Variants in ZNF723 observed in about 807,000 individuals in gnomAD.
ZNF723 encodes zinc finger protein 723.
A neutral mutation model predicts 9.4 loss-of-function variants in ZNF723; 5 were observed. The observed-to-expected ratio is 0.53, with a 90% confidence interval of 0.28 to 1.12. The LOEUF (loss-of-function observed/expected upper bound fraction) is 1.12. Ranked by LOEUF, ZNF723 falls within the 50% of genes most tolerant of loss-of-function variation. ZNF723 has a pLI of 0.10. For missense variants in ZNF723, 450 were observed against 501.5 expected, an observed-to-expected ratio of 0.90 and a Z score of 0.98; for synonymous variants, 158 against 168.8, an observed-to-expected ratio of 0.94 and a Z score of 0.49.
the ZNF723 span, among the ~76,000 whole-genome samples, chr19:22,816,168 G>T: frequency 6.6e-6 from 1 of 152,160 alleles, no homozygotes; most frequent in Non-Finnish European, 1.5e-5. Flanking sequence ...GCCCTTTGGT[G>T]GTACAGAGGG....
chr19:22,850,281 A>C (rs1376983318), intron 3 of ZNF723, among the ~76,000 whole-genome samples: 3 of 151,942 alleles, frequency 2.0e-5, no homozygotes, highest in Non-Finnish European at 4.4e-5. Flanking sequence ...CTCTTGGCTC[A>C]CTGTAACCTC....
At chr19:22,856,216 C>T (rs1021567856) in intron 3 of ZNF723, among the ~76,000 whole-genome samples, 7 of 152,192 alleles carry the variant, frequency 4.6e-5, no homozygotes, top group Non-Finnish European at 1.0e-4. Context: ...ACCTCGGCCT[C>T]CCGAAGTGCT....
upstream of ZNF723, among the ~76,000 whole-genome samples, chr19:22,828,686 A>T (rs1452093352): frequency 4.6e-5 from 7 of 152,056 alleles, no homozygotes; most frequent in Non-Finnish European, 8.8e-5. Flanking sequence ...ATTGGAGGCC[A>T]TCGTTCTAAA....
Position 22,848,592 on chromosome 19 carries a change from TCCTGAGCAGA to T in ZNF723, c.130+210_130+219del, listed in dbSNP as rs563071276. On this transcript the variant is annotated intron_variant, in intron 2 of 3. Coordinates refer to ENST00000600766, the MANE Select transcript of ZNF723 (RefSeq NM_001349726.2). ...TCACCTTGATCTGAACTTTCCACAT[TCCTGAGCAGA>T]CCTGTAGTTTTTACTCACCATTAGC... Among the ~76,000 whole-genome samples, 10 of 152,256 alleles carry T rather than the reference TCCTGAGCAGA, an allele frequency of 6.6e-5. No individual in the cohort carries two copies. In the South Asian group the frequency reaches 2.1e-3, roughly 32 times the overall value.
chr19:22,834,509 A>G (rs985129118), intron 1 of ZNF723, among the ~76,000 whole-genome samples: 1 of 150,326 alleles, frequency 6.7e-6, no homozygotes, highest in Non-Finnish European at 1.5e-5. Context: ...GGATTTTAGT[A>G]CTCTCTGTGA....
At chr19:22,816,167 T>C in the ZNF723 span, among the ~76,000 whole-genome samples, 1 of 152,152 alleles carries the variant, frequency 6.6e-6, no homozygotes, top group South Asian at 2.1e-4. Context: ...AGCCCTTTGG[T>C]GGTACAGAGG....
chr19:22,858,304 T>G lies in ZNF723; in HGVS notation c.1413T>G (p.His471Gln). The change falls in exon 4 of 4, where the codon CAT becomes CAG. Residue 471 changes from histidine to glutamine, a missense_variant. His to Gln is a conservative substitution (Grantham distance 24). Coordinates refer to ENST00000600766, the MANE Select transcript of ZNF723 (RefSeq NM_001349726.2). ...ACCAATATTCAACCCTTAATAAACA[T>G]AAGATAATTCATGCTAGAGAGAAGC... ...AFNQYSTLNK[H>Q]KIIHAREKPY... 5.0e-6 allele frequency: 6 copies of G among 1,195,932 alleles called. No homozygotes were observed. The highest frequency in any genetic ancestry group is 7.4e-6 in the Non-Finnish European group (6 of 806,512). 74.1% of individuals were successfully genotyped at this position (1,195,932 alleles called of 1,614,324 possible).
the ZNF723 span, among the ~76,000 whole-genome samples, chr19:22,815,889 C>T: frequency 6.6e-6 from 1 of 152,198 alleles, no homozygotes. Flanking sequence ...CACCCTGACA[C>T]AAGGACAGAG....
At chr19:22,825,619 T>C in the ZNF723 span, among the ~76,000 whole-genome samples, 1 of 152,210 alleles carries the variant, frequency 6.6e-6, no homozygotes, top group Non-Finnish European at 1.5e-5. Flanking sequence ...GCCTGGTTCC[T>C]ACACACTGGG....
intron 1 of ZNF723, among the ~76,000 whole-genome samples, chr19:22,838,390 A>G (rs945688137): frequency 3.3e-5 from 5 of 152,064 alleles, no homozygotes; most frequent in African/African-American, 9.6e-5. Context: ...CGTCTCTACT[A>G]AAAACACAAA....
chr19:22,832,302 C>G lies in ZNF723; in HGVS notation c.-78C>G. The G allele has an allele frequency of 7.7e-7, 1 of 1,295,054 alleles. No individual in the cohort carries two copies. 80.2% of individuals were successfully genotyped at this position (1,295,054 alleles called of 1,614,324 possible). ...GGATTTGGCGCGGCCTTTTGAGTTCCTGGTCTCTGTGGCCTCCTGACCTAC... is the reference window on the plus strand; with the variant it reads ...GGATTTGGCGCGGCCTTTTGAGTTCGTGGTCTCTGTGGCCTCCTGACCTAC... On this transcript the variant is annotated 5_prime_UTR_variant, in exon 1 of 4. Coordinates refer to ENST00000600766, the MANE Select transcript of ZNF723 (RefSeq NM_001349726.2).
intron 3 of ZNF723, among the ~76,000 whole-genome samples, chr19:22,850,860 A>G (rs1449280419): frequency 1.3e-5 from 2 of 152,086 alleles, no homozygotes; most frequent in African/African-American, 4.8e-5. Flanking sequence ...TACAAATGCA[A>G]CGCAGTCATC....
At chr19:22,822,857 A>G in the ZNF723 span, among the ~76,000 whole-genome samples, 6 of 152,156 alleles carry the variant, frequency 3.9e-5, no homozygotes, top group African/African-American at 7.2e-5. Context: ...GTGAGACTCC[A>G]TCTCAAAAAA....
the ZNF723 span, among the ~76,000 whole-genome samples, chr19:22,819,488 G>A: frequency 3.3e-5 from 5 of 152,130 alleles, no homozygotes; most frequent in Non-Finnish European, 7.4e-5. Flanking sequence ...TATGACTATA[G>A]TTTTCTTCCT....
chr19:22,827,224 CAG>C, the ZNF723 span, among the ~76,000 whole-genome samples: 2 of 151,604 alleles, frequency 1.3e-5, no homozygotes, highest in South Asian at 2.1e-4. Context: ...ACTGGATAAA[CAG>C]AGAACTACTT....
chr19:22,837,792 A>G (rs74601285), intron 1 of ZNF723, among the ~76,000 whole-genome samples: 2,068 of 152,222 alleles, frequency 0.014, 46 homozygotes, highest in African/African-American at 0.047. Flanking sequence ...AAATTTAACC[A>G]TGGCATTTTT....
chr19:22,830,014 A>C (rs1967077849), upstream of ZNF723, among the ~76,000 whole-genome samples: 1 of 151,450 alleles, frequency 6.6e-6, no homozygotes, highest in Non-Finnish European at 1.5e-5. Context: ...TGCTCAGTTT[A>C]AGCCTGTTAA....
chr19:22,816,685 A>C, the ZNF723 span, among the ~76,000 whole-genome samples: 1 of 150,538 alleles, frequency 6.6e-6, no homozygotes, highest in Non-Finnish European at 1.5e-5. Context: ...GCATTTAGTC[A>C]ATGCGAATCT....
intron 3 of ZNF723, among the ~76,000 whole-genome samples, chr19:22,855,246 T>C (rs1967460234): frequency 6.8e-6 from 1 of 147,146 alleles, no homozygotes; most frequent in African/African-American, 2.6e-5. Context: ...TTTTTTTTTT[T>C]GAGATGGAGT....
Sources: gnomAD v4.1 joint callset for allele counts (sites outside exome capture counted in the v4.1 genomes callset) on GRCh38, gnomAD v4.1.1 for gene constraint, MANE v1.5 for transcripts, NCBI Gene and HGNC (gene_info 2026-07-23, HGNC 2026-07-21) for gene names.